The following ST8SIA6 variants were observed in gnomAD, a reference collection of about 807,000 sequenced individuals.
The protein encoded by ST8SIA6 is ST8 alpha-N-acetyl-neuraminide alpha-2,8-sialyltransferase 6.
Under a neutral mutation model 33.6 loss-of-function variants are expected in ST8SIA6, and 39 were observed. That is an observed-to-expected ratio of 1.16 (90% CI 0.90 to 1.52). The LOEUF (loss-of-function observed/expected upper bound fraction) is 1.52, where lower values mean the gene tolerates loss of function less well. ST8SIA6 is among the 40% of genes most tolerant of loss of function. The pLI is 0.00. For missense variants in ST8SIA6, 441 were observed against 443.8 expected (o/e 0.99, Z 0.06); for synonymous variants, 172 against 167.2 (o/e 1.03, Z -0.22).
chr10:17,379,824 C>A (rs748707191), intron 3 of ST8SIA6, among the ~76,000 whole-genome samples: 1 of 152,262 alleles, frequency 6.6e-6, no homozygotes, highest in African/African-American at 2.4e-5. Flanking sequence ...TGTCCTCAAC[C>A]GTGGCAAAAT....
chr10:17,432,611 G>A (rs1283790407), intron 2 of ST8SIA6, among the ~76,000 whole-genome samples: 1 of 152,158 alleles, frequency 6.6e-6, no homozygotes. Flanking sequence ...TTTTCAAAGA[G>A]TTGACACCAA....
chr10:17,378,183 G>A (rs1849983132), intron 3 of ST8SIA6, among the ~76,000 whole-genome samples: 1 of 152,314 alleles, frequency 6.6e-6, no homozygotes, highest in South Asian at 2.1e-4. Flanking sequence ...TGGGCACCCG[G>A]CATTCTCATT....
At chr10:17,453,792 A>T (rs949837541) in intron 1 of ST8SIA6, 135 bp from the exon 2 acceptor site, 4 of 590,000 alleles carry the variant, frequency 6.8e-6, no homozygotes, top group Non-Finnish European at 1.0e-5. Context: ...CCAGCCCCAG[A>T]GTTGGAAGAG....
At chr10:17,440,036 C>T (rs1478577449) in intron 2 of ST8SIA6, among the ~76,000 whole-genome samples, 2 of 152,182 alleles carry the variant, frequency 1.3e-5, no homozygotes, top group African/African-American at 4.8e-5. Context: ...TCTGGCTTCA[C>T]TCCATTACAG....
At chr10:17,420,928 G>A (rs928486485) in intron 2 of ST8SIA6, among the ~76,000 whole-genome samples, 4 of 152,178 alleles carry the variant, frequency 2.6e-5, no homozygotes, top group Admixed American at 6.5e-5. Flanking sequence ...AGCAAAGGGG[G>A]AAGTGCCCAC....
chr10:17,453,454 G>C (rs1370151178), intron 2 of ST8SIA6, 105 bp downstream of exon 2: 2 of 870,986 alleles, frequency 2.3e-6, no homozygotes, highest in South Asian at 1.0e-4. Flanking sequence ...CACTCGCGCC[G>C]TCCCAGCCTG....
intron 7 of ST8SIA6, among the ~76,000 whole-genome samples, chr10:17,322,219 A>G (rs1333702314): frequency 7.3e-6 from 1 of 136,780 alleles, no homozygotes; most frequent in Non-Finnish European, 1.6e-5. Flanking sequence ...AAGAGAAAGA[A>G]AAGAAAGAAA....
At chr10:17,341,008 A>G (rs1013383324) in intron 4 of ST8SIA6, among the ~76,000 whole-genome samples, 1 of 152,192 alleles carries the variant, frequency 6.6e-6, no homozygotes, top group East Asian at 1.9e-4. Flanking sequence ...GGCCCAGAGA[A>G]GGTGAAAGAG....
intron 4 of ST8SIA6, among the ~76,000 whole-genome samples, chr10:17,355,107 C>G (rs952452832): frequency 7.9e-5 from 12 of 152,146 alleles, no homozygotes; most frequent in Non-Finnish European, 1.6e-4. Context: ...CTTGGAGAAG[C>G]CCTATCTCTT....
At chr10:17,331,372 G>C in intron 5 of ST8SIA6, 36 bp downstream of exon 5, 5 of 1,571,252 alleles carry the variant, frequency 3.2e-6, no homozygotes, top group Non-Finnish European at 4.3e-6. Flanking sequence ...CACCTGGAAT[G>C]GTAACACAAA....
At chr10:17,346,648 C>T (rs1185065470) in intron 4 of ST8SIA6, among the ~76,000 whole-genome samples, 1 of 152,102 alleles carries the variant, frequency 6.6e-6, no homozygotes, top group Admixed American at 6.5e-5. Flanking sequence ...AGGCAGCCCA[C>T]GGAACTGAGA....
At chr10:17,347,030 C>T (rs1053476440) in intron 4 of ST8SIA6, among the ~76,000 whole-genome samples, 16 of 152,170 alleles carry the variant, frequency 1.1e-4, no homozygotes, top group Admixed American at 7.9e-4. Flanking sequence ...TGGGACACCT[C>T]AGTTTTTGCT....
At position 17,360,910 on chromosome 10, in the gene ST8SIA6, GA is replaced by G. The variant is rs1474283843; in HGVS notation, c.291-1311del. 1.9e-3 allele frequency among the ~76,000 whole-genome samples: 191 copies of G among 98,972 alleles called. 3 individuals are homozygous for G. In the East Asian group the frequency reaches 0.1, roughly 52 times the overall value. The allele number at this position is 98,972 out of a possible 152,430, so 64.9% of individuals were successfully genotyped here. ...GAAAGAAGATGACGAAGAAGAAGAAGAGGAAGAAGGGAAGAAGAAGAGGAAA... is the reference window on the plus strand; with the variant it reads ...GAAAGAAGATGACGAAGAAGAAGAAGGGAAGAAGGGAAGAAGAAGAGGAAA... On this transcript the variant is annotated intron_variant, in intron 3 of 7. Coordinates refer to ENST00000377602, the MANE Select transcript of ST8SIA6 (RefSeq NM_001004470.3).
At chr10:17,453,782 C>G (rs1422878596) in intron 1 of ST8SIA6, 125 bp from the exon 2 acceptor site, 2 of 682,542 alleles carry the variant, frequency 2.9e-6, no homozygotes, top group Admixed American at 4.4e-5. Context: ...GGCCAGGTCC[C>G]CAGCCCCAGA....
At chr10:17,408,448 T>G (rs1055113411) in intron 2 of ST8SIA6, among the ~76,000 whole-genome samples, 3 of 152,034 alleles carry the variant, frequency 2.0e-5, no homozygotes, top group African/African-American at 7.2e-5. Context: ...GTGGATCACT[T>G]GAGGTCAGGA....
intron 2 of ST8SIA6, among the ~76,000 whole-genome samples, chr10:17,453,285 T>C (rs1195382255): frequency 6.6e-6 from 1 of 151,866 alleles, no homozygotes. Flanking sequence ...CACACCATTG[T>C]CGAGAGGAAA....
chr10:17,417,411 C>G (rs1409624314), intron 2 of ST8SIA6, among the ~76,000 whole-genome samples: 2 of 152,116 alleles, frequency 1.3e-5, no homozygotes, highest in Non-Finnish European at 2.9e-5. Context: ...GGCTGCTGTT[C>G]CTCTGCCTTG....
chr10:17,437,662 C>CTTCCTTCCTTCCTTCCTTCCTTCTTTCT (rs753255469), intron 2 of ST8SIA6, among the ~76,000 whole-genome samples: 7 of 109,156 alleles, frequency 6.4e-5, no homozygotes, highest in African/African-American at 2.5e-4. Context: ...TCCTTCCTTC[C>CTTCCTTCCTTCCTTCCTTCCTTCTTTCT]TTCTGTCTCT....
chr10:17,400,395 G>T (rs959947471), intron 2 of ST8SIA6, among the ~76,000 whole-genome samples: 2 of 152,216 alleles, frequency 1.3e-5, no homozygotes, highest in African/African-American at 4.8e-5. Context: ...AGCCAGGCGT[G>T]GTGGCACATA....
Sources: allele counts gnomAD v4.1 joint callset (sites outside exome capture counted in the v4.1 genomes callset), GRCh38; gene constraint gnomAD v4.1.1; transcripts MANE v1.5; gene names NCBI Gene and HGNC (gene_info 2026-07-23, HGNC 2026-07-21).